Variants in SH3PXD2A observed in about 807,000 individuals in gnomAD.
SH3PXD2A encodes the protein SH3 and PX domain-containing protein 2A.
Under a neutral mutation model 115.2 loss-of-function variants are expected in SH3PXD2A, and 32 were observed. The observed-to-expected ratio is 0.28, with a 90% CI of 0.21 to 0.37. The LOEUF (loss-of-function observed/expected upper bound fraction) is 0.37, where lower values mean the gene tolerates loss of function less well. Ranked by LOEUF, SH3PXD2A falls within the 10% of genes least tolerant of loss-of-function variation. The pLI is 1.00. For synonymous variants in SH3PXD2A, 610 were observed against 629.1 expected (o/e 0.97, Z 0.45); for missense variants, 1,328 against 1,498.7 (o/e 0.89, Z 1.88).
intron 2 of SH3PXD2A, among the ~76,000 whole-genome samples, chr10:103,790,247 C>G (rs1276814538): frequency 3.9e-5 from 6 of 151,938 alleles, no homozygotes; most frequent in Admixed American, 2.0e-4. Flanking sequence ...CTCCGCCTCC[C>G]GGGTTCAAGC....
chr10:103,776,436 CTGTGTGTGTGTGTG>C (rs34034863), intron 2 of SH3PXD2A, among the ~76,000 whole-genome samples: 4 of 125,122 alleles, frequency 3.2e-5, no homozygotes, highest in African/African-American at 5.8e-5. Flanking sequence ...GTGTGTGTGT[CTGTGTGTGTGTGTG>C]TGTGTGTGTG....
At chr10:103,723,250 G>A (rs773973707) in intron 5 of SH3PXD2A, among the ~76,000 whole-genome samples, 2 of 152,196 alleles carry the variant, frequency 1.3e-5, no homozygotes, top group Admixed American at 1.3e-4. Context: ...TCACCCATCC[G>A]GTACTTTAAG....
Position 103,617,236 on chromosome 10 carries a change from T to G in SH3PXD2A, c.881A>C (p.Glu294Ala). Residue 294 changes from glutamate (E) to alanine (A), a missense_variant, in exon 11 of 15, where the codon GAG (glutamate) becomes GCG (alanine). Physicochemically the swap from Glu to Ala is moderately radical, Grantham distance 107. Transcript: ENST00000369774. ...GCCTTCCAGATTCTTCCGGATCACC[T>G]CCACTGTGACGCCCTTCTCAAAGCC... ...EIGFEKGVTV[E>A]VIRKNLEGWW... 3 of 1,614,100 alleles carry G rather than the reference T, an allele frequency of 1.9e-6. No homozygotes were observed. Among genetic ancestry groups the G allele is most frequent in the Non-Finnish European group, 2.5e-6 (3 of 1,179,902 alleles).
At chr10:103,632,404 C>T (rs2036793720) in intron 8 of SH3PXD2A, among the ~76,000 whole-genome samples, 1 of 152,210 alleles carries the variant, frequency 6.6e-6, no homozygotes, top group Admixed American at 6.5e-5. Flanking sequence ...TGGTCAGGAG[C>T]CCTGGTTGCC....
intron 1 of SH3PXD2A, among the ~76,000 whole-genome samples, chr10:103,823,818 G>A (rs2039403762): frequency 6.6e-6 from 1 of 152,228 alleles, no homozygotes; most frequent in Non-Finnish European, 1.5e-5. Context: ...GGAGGTGCCT[G>A]CAGACATGGC....
At chr10:103,617,624 C>A (rs2036539430) in intron 10 of SH3PXD2A, among the ~76,000 whole-genome samples, 1 of 152,216 alleles carries the variant, frequency 6.6e-6, no homozygotes, top group South Asian at 2.1e-4. Context: ...CTGCCGGGAC[C>A]TTGGAGTCCA....
At chr10:103,750,195 G>T (rs2038559127) in intron 3 of SH3PXD2A, among the ~76,000 whole-genome samples, 1 of 152,114 alleles carries the variant, frequency 6.6e-6, no homozygotes, top group Admixed American at 6.5e-5. Context: ...GGGACCACAG[G>T]TGCATGATGC....
intron 1 of SH3PXD2A, among the ~76,000 whole-genome samples, chr10:103,825,760 A>C (rs17116035): frequency 0.18 from 15,550 of 87,752 alleles, 835 homozygotes; most frequent in Admixed American, 0.27. Flanking sequence ...CATCCGTAAC[A>C]AATTTTTTTT....
intron 5 of SH3PXD2A, among the ~76,000 whole-genome samples, chr10:103,719,931 G>C (rs1209015018): frequency 6.6e-6 from 1 of 152,114 alleles, no homozygotes; most frequent in East Asian, 1.9e-4. Context: ...TGTTGGCCAG[G>C]CTGATTTCAA....
At chr10:103,851,793 A>G (rs1842899536) in intron 1 of SH3PXD2A, among the ~76,000 whole-genome samples, 1 of 152,252 alleles carries the variant, frequency 6.6e-6, no homozygotes, top group Non-Finnish European at 1.5e-5. Context: ...GCAGAGGATC[A>G]GAACATTCAT....
intron 14 of SH3PXD2A, 144 bp from the exon 15 acceptor site, chr10:103,603,933 A>C: frequency 1.1e-6 from 1 of 870,828 alleles, no homozygotes; most frequent in Non-Finnish European, 1.7e-6. Flanking sequence ...TAAGTGGCCC[A>C]AAACCCAATA....
At chr10:103,630,205 G>C (rs1219482533) in intron 8 of SH3PXD2A, among the ~76,000 whole-genome samples, 1 of 152,202 alleles carries the variant, frequency 6.6e-6, no homozygotes, top group Non-Finnish European at 1.5e-5. Flanking sequence ...AACAGCCAGA[G>C]GGCATGGACT....
intron 2 of SH3PXD2A, among the ~76,000 whole-genome samples, chr10:103,789,321 G>A (rs1200732870): frequency 6.6e-6 from 1 of 152,186 alleles, no homozygotes; most frequent in Non-Finnish European, 1.5e-5. Flanking sequence ...GGCAACACCC[G>A]TTCTGTGCAT....
Position 103,601,887 on chromosome 10 carries a change from A to T in SH3PXD2A, c.3331T>A (p.Cys1111Ser). Residue 1111 changes from cysteine to serine, a missense_variant, in exon 15 of 15, where the codon TGC becomes AGC. Coordinates refer to ENST00000369774, the MANE Select transcript of SH3PXD2A (RefSeq NM_001394015.1). ...LERNPNGWWY[C>S]QILDGVKPFK... is the part of the protein sequence containing the mutation. ...GGCTTCACACCATCCAGGATCTGGC[A>T]GTACCACCAGCCATTAGGGTTCCTC... is the stretch of plus-strand genomic sequence containing the variant. The T allele has an allele frequency of 6.2e-7, 1 of 1,613,706 alleles. No homozygotes were observed. Among genetic ancestry groups the T allele is most frequent in the Non-Finnish European group, 8.5e-7 (1 of 1,179,688 alleles).
intron 5 of SH3PXD2A, among the ~76,000 whole-genome samples, chr10:103,721,546 T>A (rs1260701030): frequency 6.6e-6 from 1 of 152,132 alleles, no homozygotes; most frequent in Non-Finnish European, 1.5e-5. Context: ...ACAGGCTGGG[T>A]CAGCTGCTTT....
At position 103,601,806 on chromosome 10, in the gene SH3PXD2A, A is replaced by G. The variant is rs2036218382; in HGVS notation, c.*10T>C. 1 of 1,574,008 alleles carries G rather than the reference A, an allele frequency of 6.4e-7. No homozygotes were observed. Among genetic ancestry groups the G allele is most frequent in the Non-Finnish European group, 8.6e-7 (1 of 1,159,926 alleles). On this transcript the variant is annotated 3_prime_UTR_variant, in exon 15 of 15. Coordinates refer to ENST00000369774, the MANE Select transcript of SH3PXD2A (RefSeq NM_001394015.1). ...AGGCACACTGAGGCTGGAAGAGCCC[A>G]GGCCCTCTGCTAGTTCTTTTTCTCA...
intron 3 of SH3PXD2A, among the ~76,000 whole-genome samples, chr10:103,743,890 G>A (rs558990528): frequency 9.8e-5 from 15 of 152,342 alleles, no homozygotes; most frequent in Middle Eastern, 3.4e-3. Flanking sequence ...TCACACCTGA[G>A]TATGAGCAGG....
intron 2 of SH3PXD2A, among the ~76,000 whole-genome samples, chr10:103,770,724 CA>C (rs1445552960): frequency 6.6e-6 from 1 of 152,044 alleles, no homozygotes; most frequent in Non-Finnish European, 1.5e-5. Flanking sequence ...GGATGACTGA[CA>C]GGGGGACCAG....
At chr10:103,762,014 C>CTTTTTTTTTTTTTTT (rs79615908) in intron 3 of SH3PXD2A, among the ~76,000 whole-genome samples, 4 of 90,684 alleles carry the variant, frequency 4.4e-5, no homozygotes, top group Non-Finnish European at 9.0e-5. Context: ...ATCAACACGT[C>CTTTTTTTTTTTTTTT]TTTTTTTTTT....
Sources: allele counts gnomAD v4.1 joint callset (sites outside exome capture counted in the v4.1 genomes callset), GRCh38; gene constraint gnomAD v4.1.1; transcripts MANE v1.5; gene names NCBI Gene and HGNC (gene_info 2026-07-23, HGNC 2026-07-21).